TEKT1: variants seen among roughly 807,000 people sequenced by gnomAD.
TEKT1 encodes the protein tektin-1.
In TEKT1, 32 loss-of-function variants were observed where a neutral mutation model predicts 34.8. That is an observed-to-expected ratio of 0.92 (90% CI 0.69 to 1.23). The LOEUF (loss-of-function observed/expected upper bound fraction) is 1.23. Among genes scored for constraint, TEKT1 ranks in the 50% most tolerant of loss-of-function variants. The pLI is 0.00. For synonymous variants in TEKT1, 207 were observed against 199.8 expected (o/e 1.04, Z -0.30); for missense variants, 492 against 518.5 (o/e 0.95, Z 0.50).
chr17:6,812,576 G>T (rs1049529515), intron 6 of TEKT1, among the ~76,000 whole-genome samples: 4 of 152,174 alleles, frequency 2.6e-5, no homozygotes, highest in African/African-American at 9.7e-5. Context: ...CTGCCTCAGG[G>T]TTCTGTTCTC....
At chr17:6,816,357 T>G (rs1977008723) in intron 3 of TEKT1, among the ~76,000 whole-genome samples, 1 of 152,170 alleles carries the variant, frequency 6.6e-6, no homozygotes, top group Non-Finnish European at 1.5e-5. Context: ...TATTATGTAT[T>G]TCTCCTAATG....
intron 6 of TEKT1, among the ~76,000 whole-genome samples, chr17:6,806,635 C>T (rs1007013764): frequency 6.6e-6 from 1 of 152,180 alleles, no homozygotes; most frequent in South Asian, 2.1e-4. Flanking sequence ...TTAGTGCTTC[C>T]TTCAGGAGCT....
Position 6,799,943 on chromosome 17 carries a change from C to A in TEKT1, c.*84G>T. The A allele has an allele frequency of 7.2e-7, 1 of 1,383,392 alleles. No individual in the cohort carries two copies. The highest frequency in any genetic ancestry group is 9.7e-7 in the Non-Finnish European group (1 of 1,035,826). The allele number at this position is 1,383,392 out of a possible 1,614,324, so 85.7% of individuals were successfully genotyped here. A position where few individuals can be genotyped will look rare whatever the true frequency, so the allele number is the denominator to read the frequency against. ...AGGTTGCAGCAGGCTGGCTAGAGGC[C>A]CCGCCAGCCTGAAATGAGAGCTCTG... is the stretch of plus-strand genomic sequence containing the variant. On this transcript the variant is annotated 3_prime_UTR_variant, in exon 8 of 8. Transcript: ENST00000338694.
chr17:6,822,978 C>G (rs1239531234), intron 2 of TEKT1, among the ~76,000 whole-genome samples: 9 of 152,200 alleles, frequency 5.9e-5, no homozygotes, highest in African/African-American at 2.2e-4. Flanking sequence ...TCTTTCCTTT[C>G]GGGGCCAGTT....
At chr17:6,801,478 G>A (rs1236591733) in intron 6 of TEKT1, among the ~76,000 whole-genome samples, 1 of 152,202 alleles carries the variant, frequency 6.6e-6, no homozygotes, top group Admixed American at 6.5e-5. Flanking sequence ...GGGAGGCTGA[G>A]GAGGGAAGAT....
At chr17:6,801,448 A>G (rs1976770987) in intron 6 of TEKT1, among the ~76,000 whole-genome samples, 1 of 152,202 alleles carries the variant, frequency 6.6e-6, no homozygotes, top group African/African-American at 2.4e-5. Context: ...GGTGGCTCAC[A>G]GCTGTAATCA....
intron 6 of TEKT1, among the ~76,000 whole-genome samples, chr17:6,810,975 C>T (rs1332261478): frequency 6.6e-6 from 1 of 152,186 alleles, no homozygotes; most frequent in Admixed American, 6.5e-5. Context: ...CCTGACCTCT[C>T]AGGTGATCCA....
In TEKT1 at chr17:6,813,205, A is replaced by T. The variant is rs1188366417; in HGVS notation, c.630-152T>A. 1.0e-5 allele frequency: 7 copies of T among 680,018 alleles called. No individual in the cohort carries two copies. In the East Asian group the frequency reaches 1.9e-4, roughly 19 times the overall value. 42.1% of individuals were successfully genotyped at this position (680,018 alleles called of 1,614,324 possible). A position where few individuals can be genotyped will look rare whatever the true frequency, so the allele number is the denominator to read the frequency against. On this transcript the variant is annotated intron_variant, in intron 5 of 7. Coordinates refer to ENST00000338694, the MANE Select transcript of TEKT1 (RefSeq NM_053285.2). ...CAAATAGTGGTCTGTCAGTATCAAT[A>T]GCTGTCACTTTGGGCAACCTCCCTA...
chr17:6,819,144 A>G, intron 3 of TEKT1, 49 bp downstream of exon 3: 4 of 1,582,378 alleles, frequency 2.5e-6, no homozygotes, highest in African/African-American at 1.4e-5. Flanking sequence ...ACTACCCAGC[A>G]TCTCATTTGT....
chr17:6,814,441 C>A (rs1976974355), intron 5 of TEKT1, among the ~76,000 whole-genome samples: 1 of 152,118 alleles, frequency 6.6e-6, no homozygotes, highest in Non-Finnish European at 1.5e-5. Flanking sequence ...AGTATAATCT[C>A]ATTTTTATAA....
In TEKT1 at chr17:6,800,758, G is replaced by T. The variant is rs1480152099; in HGVS notation, c.1038C>A (p.His346Gln). 2.5e-6 allele frequency: 4 copies of T among 1,612,446 alleles called. No individual in the cohort carries two copies. The highest frequency in any genetic ancestry group is 1.7e-4 in the Middle Eastern group (1 of 6,038). ...RLMKEVQEIT[H>Q]NVARLKETLA... Reference sequence around the variant, plus strand: ...GGCTGCTAGCCTACCTTGCGACATTGTGGGTGATCTCTTGAACCTCCTTCA... The same window carrying T: ...GGCTGCTAGCCTACCTTGCGACATTTTGGGTGATCTCTTGAACCTCCTTCA... Residue 346 changes from histidine to glutamine, a missense_variant, in exon 7 of 8, where the codon CAC (histidine) becomes CAA (glutamine). Coordinates refer to ENST00000338694, the MANE Select transcript of TEKT1 (RefSeq NM_053285.2).
intron 3 of TEKT1, 126 bp downstream of exon 3, chr17:6,819,067 T>A (rs1038766196): frequency 5.0e-6 from 6 of 1,203,138 alleles, no homozygotes; most frequent in Non-Finnish European, 6.9e-6. Flanking sequence ...TGGGATAACT[T>A]CAGGCTCTAA....
intron 6 of TEKT1, 67 bp downstream of exon 6, chr17:6,812,764 A>C: frequency 6.6e-7 from 1 of 1,510,274 alleles, no homozygotes; most frequent in Non-Finnish European, 9.1e-7. Flanking sequence ...CCCAGGGGGC[A>C]TTCTTGTTTT....
At chr17:6,829,515 CTTTT>C (rs34702459) in intron 2 of TEKT1, among the ~76,000 whole-genome samples, 1 of 137,640 alleles carries the variant, frequency 7.3e-6, no homozygotes, top group Admixed American at 7.4e-5. Context: ...CTTTTTCTTT[CTTTT>C]TTTTTTTTTT....
At chr17:6,819,122 C>G in intron 3 of TEKT1, 71 bp downstream of exon 3, 1 of 1,544,786 alleles carries the variant, frequency 6.5e-7, no homozygotes, top group Non-Finnish European at 8.8e-7. Context: ...CCATCGCACA[C>G]AGCCGGCATT....
intron 6 of TEKT1, among the ~76,000 whole-genome samples, chr17:6,807,807 C>T (rs1976866690): frequency 1.3e-5 from 2 of 152,184 alleles, no homozygotes; most frequent in South Asian, 4.1e-4. Flanking sequence ...GCAAATGTTG[C>T]TGCCTGATTG....
chr17:6,821,706 C>T (rs1977092250), intron 2 of TEKT1, among the ~76,000 whole-genome samples: 1 of 152,116 alleles, frequency 6.6e-6, no homozygotes, highest in Admixed American at 6.6e-5. Context: ...TTCCTAGAGA[C>T]TTGTTGAATG....
intron 6 of TEKT1, among the ~76,000 whole-genome samples, chr17:6,808,435 C>T (rs1295342870): frequency 6.6e-6 from 1 of 152,118 alleles, no homozygotes; most frequent in Non-Finnish European, 1.5e-5. Context: ...AATGCCTCAC[C>T]GTGCTTCGGC....
rs1976723092 is a variant in TEKT1 at position 6,798,432 on chromosome 17, G to A, written c.*1595C>T. 6.6e-6 allele frequency: 1 copy of A among 152,248 alleles called. No homozygotes were observed. Among genetic ancestry groups the A allele is most frequent in the African/African-American group, 2.4e-5 (1 of 41,458 alleles). 9.4% of individuals were successfully genotyped at this position (152,248 alleles called of 1,614,324 possible). A position where few individuals can be genotyped will look rare whatever the true frequency, so the allele number is the denominator to read the frequency against. On this transcript the variant is annotated 3_prime_UTR_variant, in exon 8 of 8. Coordinates refer to ENST00000338694, the MANE Select transcript of TEKT1 (RefSeq NM_053285.2). ...CTGCTAAGTTAGCAGAAACTCTGAG[G>A]TCTGCCCAGTGAGCTGGGAAGGCTT...
Sources: allele counts gnomAD v4.1 joint callset (sites outside exome capture counted in the v4.1 genomes callset), GRCh38; gene constraint gnomAD v4.1.1; transcripts MANE v1.5; gene names NCBI Gene and HGNC (gene_info 2026-07-23, HGNC 2026-07-21).